Variants in UNC13C observed in about 807,000 individuals in gnomAD.
The protein encoded by UNC13C is unc-13 homolog C.
A neutral mutation model predicts 245.4 loss-of-function variants in UNC13C; 174 were observed. That is an observed-to-expected ratio of 0.71 (90% CI 0.63 to 0.80). The LOEUF (loss-of-function observed/expected upper bound fraction) is 0.80. Among genes scored for constraint, UNC13C ranks in the 30% least tolerant of loss-of-function variants. The pLI is 0.00. For synonymous variants in UNC13C, 992 were observed against 895.1 expected, an observed-to-expected ratio of 1.11 and a Z score of -1.93; for missense variants, 2,829 against 2,602.9, an observed-to-expected ratio of 1.09 and a Z score of -1.89.
chr15:54,115,897 G>T (rs548350709), intron 2 of UNC13C, among the ~76,000 whole-genome samples: 10 of 149,974 alleles, frequency 6.7e-5, no homozygotes, highest in African/African-American at 2.4e-4. Context: ...ACCTGGTAAG[G>T]CAGCAATAGA....
rs188063551 is a variant in UNC13C, at chr15:53,989,889, T to C, written c.-257+10962T>C. ...AGTTCGGCATCTCAGAGTTTGGAGA[T>C]CTCTGACACTGTCATGATAAGGAAA... On this transcript the variant is annotated intron_variant, in intron 1 of 32. Transcript: ENST00000260323. 4.9e-4 allele frequency among the ~76,000 whole-genome samples: 74 copies of C among 152,126 alleles called. 1 individual carries two copies. The highest frequency in any genetic ancestry group is 1.7e-3 in the African/African-American group (72 of 41,530).
chr15:54,233,468 G>A (rs10518760), intron 4 of UNC13C, among the ~76,000 whole-genome samples: 44,717 of 151,958 alleles, frequency 0.29, 6,878 homozygotes, highest in African/African-American at 0.37. Context: ...AATATTTCAC[G>A]CTCACTGCAT....
chr15:54,267,497 C>T lies in UNC13C; in HGVS notation c.3818+2001C>T, dbSNP rs145298643. 1.5e-3 allele frequency among the ~76,000 whole-genome samples: 228 copies of T among 152,146 alleles called. 2 individuals carry two copies. The highest frequency in any genetic ancestry group is 5.3e-3 in the African/African-American group (220 of 41,538). Reference sequence around the variant, plus strand: ...AGTTAAAAAGTGATTTTTCTATTCTCAGTGAACTGAGAGTTTTGACCAGAA... The same window carrying T: ...AGTTAAAAAGTGATTTTTCTATTCTTAGTGAACTGAGAGTTTTGACCAGAA... On this transcript the variant is annotated intron_variant, in intron 10 of 32. Coordinates refer to ENST00000260323, the MANE Select transcript of UNC13C (RefSeq NM_001080534.3).
chr15:54,158,782 C>A (rs536210335), intron 4 of UNC13C, among the ~76,000 whole-genome samples: 1 of 151,632 alleles, frequency 6.6e-6, no homozygotes, highest in African/African-American at 2.4e-5. Context: ...CCCAAATAGC[C>A]GAGACCACAG....
At chr15:54,596,106 C>A (rs1229732226) in intron 30 of UNC13C, among the ~76,000 whole-genome samples, 1 of 152,100 alleles carries the variant, frequency 6.6e-6, no homozygotes, top group Non-Finnish European at 1.5e-5. Context: ...ATGACTGAGT[C>A]AAGTTGAATT....
At chr15:53,899,657 C>T in the UNC13C span, among the ~76,000 whole-genome samples, 4 of 152,204 alleles carry the variant, frequency 2.6e-5, no homozygotes, top group South Asian at 2.1e-4. Flanking sequence ...ATCCACCTCC[C>T]GGGTTCAAGC....
intron 2 of UNC13C, among the ~76,000 whole-genome samples, chr15:54,133,183 G>C (rs4774683): frequency 0.98 from 149,859 of 152,224 alleles, 73,821 homozygotes; most frequent in Middle Eastern, 1. Context: ...AGATGCTGGT[G>C]AAATATTCTT....
chr15:54,077,381 T>C (rs1046232636), intron 2 of UNC13C, among the ~76,000 whole-genome samples: 2 of 121,362 alleles, frequency 1.6e-5, no homozygotes, highest in Non-Finnish European at 3.5e-5. Flanking sequence ...CTTTTCTTTT[T>C]TTTTTTTTTT....
At chr15:54,059,149 A>C (rs71467585) in intron 2 of UNC13C, among the ~76,000 whole-genome samples, 1 of 152,168 alleles carries the variant, frequency 6.6e-6, no homozygotes, top group African/African-American at 2.4e-5. Context: ...AGGGTGTTCA[A>C]TTGGGAAAAG....
At chr15:54,355,588 C>G (rs139606054) in intron 17 of UNC13C, among the ~76,000 whole-genome samples, 2 of 152,058 alleles carry the variant, frequency 1.3e-5, no homozygotes, top group African/African-American at 4.8e-5. Context: ...GAGCTCCTGA[C>G]CTCAAGTGAT....
intron 29 of UNC13C, 80 bp from the exon 30 acceptor site, chr15:54,567,720 G>T: frequency 7.8e-7 from 1 of 1,277,944 alleles, no homozygotes; most frequent in Non-Finnish European, 1.1e-6. Context: ...TATTCCATTT[G>T]AGCTTCTCTA....
intron 23 of UNC13C, among the ~76,000 whole-genome samples, chr15:54,507,443 A>C (rs1742256960): frequency 6.6e-6 from 1 of 152,114 alleles, no homozygotes; most frequent in African/African-American, 2.4e-5. Flanking sequence ...CAAGACTAGA[A>C]TAAATCATTG....
At chr15:54,000,828 T>C (rs145745803) in intron 1 of UNC13C, among the ~76,000 whole-genome samples, 3 of 152,306 alleles carry the variant, frequency 2.0e-5, no homozygotes, top group Admixed American at 6.5e-5. Flanking sequence ...CTTGTGGACA[T>C]CTAATCAATG....
At chr15:54,034,851 T>C in intron 2 of UNC13C, among the ~76,000 whole-genome samples, 1 of 152,174 alleles carries the variant, frequency 6.6e-6, no homozygotes, top group East Asian at 1.9e-4. Flanking sequence ...TCACAAAAGA[T>C]TTTAAACCTG....
At chr15:53,843,511 T>C in the UNC13C span, among the ~76,000 whole-genome samples, 1 of 151,846 alleles carries the variant, frequency 6.6e-6, no homozygotes, top group Admixed American at 6.6e-5. Flanking sequence ...TTTTTTTTGG[T>C]TTGTGTGTTT....
chr15:54,069,279 C>G (rs1476477324), intron 2 of UNC13C, among the ~76,000 whole-genome samples: 3 of 152,116 alleles, frequency 2.0e-5, no homozygotes, highest in Middle Eastern at 3.2e-3. Flanking sequence ...TTGGCTAAAT[C>G]CCTTTTTGTG....
At chr15:54,479,212 C>A (rs1292540126) in intron 19 of UNC13C, among the ~76,000 whole-genome samples, 4 of 151,962 alleles carry the variant, frequency 2.6e-5, no homozygotes, top group Admixed American at 2.0e-4. Context: ...GGGGGTCTCT[C>A]TCTCTCTTTA....
At chr15:54,552,741 T>C (rs1452986605) in intron 28 of UNC13C, among the ~76,000 whole-genome samples, 1 of 83,664 alleles carries the variant, frequency 1.2e-5, no homozygotes, top group Admixed American at 2.2e-4. Flanking sequence ...ATATAATATA[T>C]ATTATATAGT....
intron 19 of UNC13C, among the ~76,000 whole-genome samples, chr15:54,415,495 C>T (rs141634405): frequency 1.0e-3 from 158 of 152,118 alleles, no homozygotes; most frequent in African/African-American, 3.7e-3. Flanking sequence ...GGTCTTCACC[C>T]GAAACTCCAC....
Sources: allele counts gnomAD v4.1 joint callset (sites outside exome capture counted in the v4.1 genomes callset), GRCh38; gene constraint gnomAD v4.1.1; transcripts MANE v1.5; gene names NCBI Gene and HGNC (gene_info 2026-07-23, HGNC 2026-07-21).